The following PRR5L variants were observed in gnomAD, a reference collection of about 807,000 sequenced individuals.
PRR5L encodes the protein proline-rich protein 5-like.
Under a neutral mutation model 36.4 loss-of-function variants are expected in PRR5L, and 21 were observed. That is an observed-to-expected ratio of 0.58 (90% CI 0.41 to 0.83). The LOEUF (loss-of-function observed/expected upper bound fraction) is 0.83. Among genes scored for constraint, PRR5L ranks in the 40% least tolerant of loss-of-function variants. The probability of loss-of-function intolerance (pLI) is 0.00; values close to 1 mark genes in which losing one functional copy is unlikely to be tolerated. For missense variants in PRR5L, 381 were observed against 473.3 expected, an observed-to-expected ratio of 0.80 and a Z score of 1.81; for synonymous variants, 188 against 197.0, an observed-to-expected ratio of 0.95 and a Z score of 0.38.
chr11:36,311,508 A>C (rs114745176), intron 1 of PRR5L, among the ~76,000 whole-genome samples: 353 of 152,332 alleles, frequency 2.3e-3, no homozygotes, highest in African/African-American at 8.2e-3. Context: ...AACCAACTGA[A>C]GTTATAATAA....
intron 1 of PRR5L, among the ~76,000 whole-genome samples, chr11:36,385,216 G>C (rs922752680): frequency 1.3e-5 from 2 of 152,142 alleles, no homozygotes; most frequent in Admixed American, 6.5e-5. Context: ...TTTGTGTCTA[G>C]ACTTTTTGGC....
At chr11:36,411,507 C>T (rs147754154) in intron 3 of PRR5L, among the ~76,000 whole-genome samples, 17 of 152,136 alleles carry the variant, frequency 1.1e-4, no homozygotes, top group African/African-American at 3.1e-4. Context: ...CTGAACTTCA[C>T]GCCCAGTTTC....
Position 36,403,349 on chromosome 11 carries a change from C to A in PRR5L, c.216C>A (p.Asn72Lys). The A allele has an allele frequency of 6.2e-7, 1 of 1,614,078 alleles. No individual in the cohort carries two copies. Among genetic ancestry groups the A allele is most frequent in the Non-Finnish European group, 8.5e-7 (1 of 1,180,002 alleles). ...TCAAAGGGGGTGGCTTGCAAAGCAACGAGCTCTATGCCCTGAACGAAAACA... is the reference window on the plus strand; with the variant it reads ...TCAAAGGGGGTGGCTTGCAAAGCAAAGAGCTCTATGCCCTGAACGAAAACA... ...NVFKGGGLQS[N>K]ELYALNENIR... The change falls in exon 3 of 9, where the codon AAC becomes AAA. Residue 72 changes from asparagine to lysine, a missense_variant. By Grantham distance (94) the Asn-to-Lys change is moderately conservative. Coordinates refer to ENST00000530639, the MANE Select transcript of PRR5L (RefSeq NM_001160167.2).
rs137932644 is a variant in PRR5L at position 36,336,757 on chromosome 11, A to T, written c.-126+40319A>T. ...TTACAATTAAAAATGTCTGCTTCCC[A>T]TTTAGAATCCTCTTGCATGCCACCT... is the stretch of plus-strand genomic sequence containing the variant. On this transcript the variant is annotated intron_variant, in intron 1 of 8. Transcript: ENST00000530639. Among the ~76,000 whole-genome samples, 348 of 152,190 alleles carry T rather than the reference A, an allele frequency of 2.3e-3. 1 individual carries two copies. Among genetic ancestry groups the T allele is most frequent in the Non-Finnish European group, 3.8e-3 (260 of 68,002 alleles).
intron 5 of PRR5L, 64 bp from the exon 6 acceptor site, chr11:36,437,321 T>C: frequency 9.2e-7 from 1 of 1,089,464 alleles, no homozygotes; most frequent in Non-Finnish European, 1.4e-6. Context: ...TTCTGGCCTC[T>C]CCTACAAGTA....
chr11:36,343,579 C>T (rs1197180379), intron 1 of PRR5L, among the ~76,000 whole-genome samples: 1 of 152,192 alleles, frequency 6.6e-6, no homozygotes, highest in Non-Finnish European at 1.5e-5. Context: ...TTTCTGCTCA[C>T]TCTAAAAGTT....
chr11:36,427,158 T>G (rs1263540099), intron 4 of PRR5L, among the ~76,000 whole-genome samples: 1 of 152,258 alleles, frequency 6.6e-6, no homozygotes, highest in Non-Finnish European at 1.5e-5. Context: ...AGCCTCATTT[T>G]TCTGTTTGCA....
intron 1 of PRR5L, among the ~76,000 whole-genome samples, chr11:36,388,869 T>C (rs1179571114): frequency 6.6e-6 from 1 of 152,088 alleles, no homozygotes; most frequent in Non-Finnish European, 1.5e-5. Context: ...CGGCTGATTT[T>C]TTTGTATTTT....
intron 1 of PRR5L, among the ~76,000 whole-genome samples, chr11:36,330,263 A>G (rs959861931): frequency 3.3e-5 from 5 of 152,242 alleles, no homozygotes; most frequent in African/African-American, 1.2e-4. Flanking sequence ...GGTTCCTTAT[A>G]TCCCCAGAAA....
chr11:36,308,543 G>A (rs1370774397), intron 1 of PRR5L, among the ~76,000 whole-genome samples: 1 of 152,168 alleles, frequency 6.6e-6, no homozygotes, highest in African/African-American at 2.4e-5. Flanking sequence ...CGCAGCTTAT[G>A]GGACTAACTT....
chr11:36,408,158 C>T (rs1021515240), intron 3 of PRR5L, among the ~76,000 whole-genome samples: 2 of 152,004 alleles, frequency 1.3e-5, no homozygotes, highest in Non-Finnish European at 2.9e-5. Context: ...CCTGTAATCC[C>T]AGCCAGCTAT....
chr11:36,350,944 A>ATT (rs1407155161), intron 1 of PRR5L, among the ~76,000 whole-genome samples: 688 of 57,108 alleles, frequency 0.012, 136 homozygotes, highest in African/African-American at 0.045. Flanking sequence ...ATATTTATAT[A>ATT]TATATATTTA....
intron 4 of PRR5L, among the ~76,000 whole-genome samples, chr11:36,421,381 C>T (rs903976406): frequency 6.6e-6 from 1 of 152,180 alleles, no homozygotes; most frequent in South Asian, 2.1e-4. Context: ...CTAATAACCA[C>T]TTGTCATTTC....
intron 3 of PRR5L, 77 bp downstream of exon 3, chr11:36,403,455 C>A: frequency 9.5e-7 from 1 of 1,053,532 alleles, no homozygotes; most frequent in Non-Finnish European, 1.4e-6. Flanking sequence ...GCCTTAGGAG[C>A]CTTAAGGGTT....
chr11:36,350,606 T>C (rs1023205226), intron 1 of PRR5L, among the ~76,000 whole-genome samples: 2 of 151,924 alleles, frequency 1.3e-5, no homozygotes, highest in East Asian at 3.9e-4. Flanking sequence ...AGTTCTTTAG[T>C]GGTGATTTCT....
chr11:36,455,061 G>A (rs1564954740), intron 8 of PRR5L, among the ~76,000 whole-genome samples: 2 of 152,302 alleles, frequency 1.3e-5, no homozygotes, highest in East Asian at 1.9e-4. Flanking sequence ...CAGCACGCTC[G>A]ACTTCTCCCA....
chr11:36,462,471 T>C lies in PRR5L; in HGVS notation c.842T>C (p.Leu281Pro), dbSNP rs1859207580. 1.2e-6 allele frequency: 2 copies of C among 1,608,616 alleles called. No individual in the cohort carries two copies. The highest frequency in any genetic ancestry group is 1.7e-5 in the Admixed American group (1 of 59,692). ...ACAGAGCAGGAGGGGGAAGCCTACC[T>C]GGAGAAGTGTGGCAGCGTGCGGCGG... ...PLTEQEGEAY[L>P]EKCGSVRRHT... The change falls in exon 9 of 9, where the codon CTG (leucine) becomes CCG (proline). Residue 281 changes from leucine (L) to proline (P), a missense_variant. Leu to Pro is a moderately conservative substitution (Grantham distance 98, BLOSUM62 -3). Coordinates refer to ENST00000530639, the MANE Select transcript of PRR5L (RefSeq NM_001160167.2).
chr11:36,350,979 T>TA lies in PRR5L; in HGVS notation c.-125-50018_-125-50017insA, dbSNP rs1491191855. On this transcript the variant is annotated intron_variant, in intron 1 of 8. Coordinates refer to ENST00000530639, the MANE Select transcript of PRR5L (RefSeq NM_001160167.2). Reference sequence around the variant, plus strand: ...ATATATATTTATATATTTATATATATTTATATATTTATATATTTATATATA... The same window carrying TA: ...ATATATATTTATATATTTATATATATATTATATATTTATATATTTATATATA... Among the ~76,000 whole-genome samples the TA allele has an allele frequency of 1.1e-3, 66 of 60,988 alleles. 1 individual carries two copies. The highest frequency in any genetic ancestry group is 2.9e-3 in the Admixed American group (11 of 3,772). 40.0% of individuals were successfully genotyped at this position (60,988 alleles called of 152,430 possible).
chr11:36,318,294 G>T (rs759003534), intron 1 of PRR5L, among the ~76,000 whole-genome samples: 62 of 152,138 alleles, frequency 4.1e-4, no homozygotes, highest in South Asian at 8.3e-4. Flanking sequence ...CCTGACTAGG[G>T]TTCTATTTAC....
Sources: allele counts gnomAD v4.1 joint callset (sites outside exome capture counted in the v4.1 genomes callset), GRCh38; gene constraint gnomAD v4.1.1; transcripts MANE v1.5; gene names NCBI Gene and HGNC (gene_info 2026-07-23, HGNC 2026-07-21).